RSRC1: variants seen among roughly 807,000 people sequenced by gnomAD.
RSRC1 encodes arginine and serine rich coiled-coil 1, also known as serine/Arginine-related protein 53.
In RSRC1, 39 loss-of-function variants were observed where a neutral mutation model predicts 49.1. The ratio of observed to expected loss-of-function variants is 0.79; its 90% CI spans 0.61 to 1.04. RSRC1 has a LOEUF of 1.04. Among genes scored for constraint, RSRC1 ranks in the 50% least tolerant of loss-of-function variants. The pLI is 0.00. For synonymous variants in RSRC1, 143 were observed against 130.8 expected (o/e 1.09, Z -0.63); for missense variants, 388 against 402.4 (o/e 0.96, Z 0.31).
At chr3:158,230,503 G>A (rs937055479) in intron 4 of RSRC1, among the ~76,000 whole-genome samples, 1 of 151,634 alleles carries the variant, frequency 6.6e-6, no homozygotes, top group African/African-American at 2.4e-5. Context: ...AAAACAACAG[G>A]GTCTTGTTTA....
intron 4 of RSRC1, among the ~76,000 whole-genome samples, chr3:158,271,521 G>C (rs1725517803): frequency 1.3e-5 from 2 of 152,084 alleles, no homozygotes; most frequent in Admixed American, 1.3e-4. Context: ...ATTACTAGTA[G>C]ATGCATGTAA....
At chr3:158,500,618 A>G (rs1172346237) in intron 7 of RSRC1, among the ~76,000 whole-genome samples, 2 of 152,058 alleles carry the variant, frequency 1.3e-5, no homozygotes, top group African/African-American at 4.8e-5. Context: ...GAATTTATCC[A>G]TCTCTTCTAG....
At chr3:158,344,030 C>T (rs1278870127) in intron 5 of RSRC1, among the ~76,000 whole-genome samples, 2 of 152,026 alleles carry the variant, frequency 1.3e-5, no homozygotes, top group Admixed American at 6.6e-5. Context: ...TAATCCCAGC[C>T]GTTTGGGAGG....
chr3:158,215,676 C>T (rs1721910249), intron 4 of RSRC1, among the ~76,000 whole-genome samples: 1 of 151,108 alleles, frequency 6.6e-6, no homozygotes, highest in Non-Finnish European at 1.5e-5. Context: ...TAGTGGTTGC[C>T]CTAGGAATTA....
chr3:158,206,927 TA>T, intron 4 of RSRC1, among the ~76,000 whole-genome samples: 1 of 152,054 alleles, frequency 6.6e-6, no homozygotes, highest in Non-Finnish European at 1.5e-5. Flanking sequence ...AAACAAAAGA[TA>T]AGCATCTAAC....
At chr3:158,470,645 ATTGT>A (rs752455779) in intron 7 of RSRC1, among the ~76,000 whole-genome samples, 17 of 152,066 alleles carry the variant, frequency 1.1e-4, no homozygotes, top group Non-Finnish European at 1.0e-4. Context: ...GTAAACCTTG[ATTGT>A]TTGTGCAAAT....
At chr3:158,129,747 A>G (rs1465985409) in intron 3 of RSRC1, among the ~76,000 whole-genome samples, 1 of 152,182 alleles carries the variant, frequency 6.6e-6, no homozygotes, top group Non-Finnish European at 1.5e-5. Context: ...TTGGTTCTAT[A>G]GTAAGTCTTA....
intron 4 of RSRC1, among the ~76,000 whole-genome samples, chr3:158,206,094 A>C (rs1721331316): frequency 6.6e-6 from 1 of 152,150 alleles, no homozygotes. Flanking sequence ...TTGGCTCAAG[A>C]GTTGTTATTT....
At position 158,487,949 on chromosome 3, in the gene RSRC1, G is replaced by GAAAAAAAAAAAAAA. The variant is rs58689210; in HGVS notation, c.652+26958_652+26971dup. On this transcript the variant is annotated intron_variant, in intron 7 of 9. Transcript: ENST00000611884. ...TAGGAGACAAGAGACTCCATCTCAA[G>GAAAAAAAAAAAAAA]AAAAAAAAAAAAAAAAAAAAAAAAA... Among the ~76,000 whole-genome samples, 20 of 28,920 alleles carry GAAAAAAAAAAAAAA rather than the reference G, an allele frequency of 6.9e-4. 3 individuals carry two copies. Among genetic ancestry groups the GAAAAAAAAAAAAAA allele is most frequent in the South Asian group, 2.2e-3 (1 of 460 alleles). 19.0% of individuals were successfully genotyped at this position (28,920 alleles called of 152,430 possible).
At chr3:158,144,501 A>G (rs2108201381) in intron 3 of RSRC1, among the ~76,000 whole-genome samples, 1 of 152,276 alleles carries the variant, frequency 6.6e-6, no homozygotes, top group Non-Finnish European at 1.5e-5. Flanking sequence ...TCCATGGTGT[A>G]TATGTGCCAC....
At chr3:158,430,059 A>G (rs759038575) in intron 6 of RSRC1, among the ~76,000 whole-genome samples, 1 of 124,312 alleles carries the variant, frequency 8.0e-6, no homozygotes, top group Non-Finnish European at 1.7e-5. Flanking sequence ...AATAATCATA[A>G]AAACCACACA....
intron 7 of RSRC1, among the ~76,000 whole-genome samples, chr3:158,468,820 T>G (rs187909162): frequency 1.3e-5 from 2 of 152,090 alleles, no homozygotes. Flanking sequence ...ACTGAAAAAA[T>G]TTAACACCTT....
At chr3:158,338,058 T>C (rs571051123) in intron 5 of RSRC1, among the ~76,000 whole-genome samples, 39 of 152,352 alleles carry the variant, frequency 2.6e-4, no homozygotes, top group African/African-American at 9.1e-4. Flanking sequence ...TAGTATTGGA[T>C]CATGAATATG....
At chr3:158,144,078 T>C (rs1716922432) in intron 3 of RSRC1, among the ~76,000 whole-genome samples, 1 of 152,234 alleles carries the variant, frequency 6.6e-6, no homozygotes, top group Admixed American at 6.5e-5. Context: ...ATTTTTAAAT[T>C]GTAAGGGATT....
At chr3:158,136,181 T>C (rs1363388002) in intron 3 of RSRC1, among the ~76,000 whole-genome samples, 1 of 152,236 alleles carries the variant, frequency 6.6e-6, no homozygotes, top group African/African-American at 2.4e-5. Flanking sequence ...TGAGTCTCAG[T>C]ATCTTCATGT....
In RSRC1 at chr3:158,229,198, A is replaced by G. The variant is rs941049143; in HGVS notation, c.494+25953A>G. On this transcript the variant is annotated intron_variant, in intron 4 of 9. Transcript: ENST00000611884. ...TATGTGTATGTGTAAACATACATAT[A>G]TGTGTATATATGTATACACACATAC... Among the ~76,000 whole-genome samples, 17 of 98,796 alleles carry G rather than the reference A, an allele frequency of 1.7e-4. 3 individuals are homozygous for G. Among genetic ancestry groups the G allele is most frequent in the East Asian group, 1.7e-3 (4 of 2,328 alleles). 64.8% of individuals were successfully genotyped at this position (98,796 alleles called of 152,430 possible). A position where few individuals can be genotyped will look rare whatever the true frequency, so the allele number is the denominator to read the frequency against.
intron 3 of RSRC1, among the ~76,000 whole-genome samples, chr3:158,198,005 G>A (rs1241242846): frequency 6.6e-6 from 1 of 152,046 alleles, no homozygotes; most frequent in African/African-American, 2.4e-5. Context: ...TGTCTATTAG[G>A]TCGGCTTGGT....
intron 7 of RSRC1, among the ~76,000 whole-genome samples, chr3:158,475,884 A>G (rs1738345186): frequency 6.6e-6 from 1 of 152,148 alleles, no homozygotes; most frequent in Non-Finnish European, 1.5e-5. Flanking sequence ...AGAAGTGACT[A>G]AGCTTAGTGA....
intron 6 of RSRC1, among the ~76,000 whole-genome samples, chr3:158,457,685 G>A (rs1165885963): frequency 2.6e-5 from 4 of 151,862 alleles, no homozygotes; most frequent in Non-Finnish European, 1.5e-5. Flanking sequence ...CCAGAAAGAT[G>A]TGGTTGGTTC....
Sources: gnomAD v4.1 joint callset for allele counts (sites outside exome capture counted in the v4.1 genomes callset) on GRCh38, gnomAD v4.1.1 for gene constraint, MANE v1.5 for transcripts, NCBI Gene and HGNC (gene_info 2026-07-23, HGNC 2026-07-21) for gene names.